PTPN2: variants seen among roughly 807,000 people sequenced by gnomAD.
PTPN2 encodes protein tyrosine phosphatase non-receptor type 2.
A neutral mutation model predicts 57.3 loss-of-function variants in PTPN2; 19 were observed. That is an observed-to-expected ratio of 0.33 (90% CI 0.23 to 0.49). The LOEUF is 0.49. Among genes scored for constraint, PTPN2 ranks in the 20% least tolerant of loss-of-function variants. PTPN2 has a pLI of 0.99. For missense variants in PTPN2, 358 were observed against 501.1 expected (o/e 0.71, Z 2.73); for synonymous variants, 153 against 164.9 (o/e 0.93, Z 0.55).
chr18:12,804,749 C>T (rs2041579005), intron 7 of PTPN2, among the ~76,000 whole-genome samples: 1 of 152,150 alleles, frequency 6.6e-6, no homozygotes, highest in Admixed American at 6.5e-5. Context: ...AAAAGTCTCC[C>T]ATCAAAGAAA....
chr18:12,820,713 C>G (rs988370877), intron 5 of PTPN2, among the ~76,000 whole-genome samples: 4 of 152,214 alleles, frequency 2.6e-5, no homozygotes, highest in Non-Finnish European at 5.9e-5. Context: ...TACACACACG[C>G]GGGTTGCACC....
chr18:12,802,221 T>C (rs776642047), intron 7 of PTPN2, 70 bp from the exon 8 acceptor site: 9 of 1,210,770 alleles, frequency 7.4e-6, no homozygotes, highest in African/African-American at 1.6e-5. Context: ...TAAAAAAATT[T>C]ATGAATTAAA....
At chr18:12,835,380 G>GCCTTTTT (rs2042820392) in intron 3 of PTPN2, among the ~76,000 whole-genome samples, 3 of 20,664 alleles carry the variant, frequency 1.5e-4, no homozygotes, top group African/African-American at 3.5e-4. Flanking sequence ...GATCACATAT[G>GCCTTTTT]TCTTTTTTTT....
chr18:12,879,194 A>G (rs556053231), intron 1 of PTPN2, among the ~76,000 whole-genome samples: 27 of 152,350 alleles, frequency 1.8e-4, no homozygotes, highest in African/African-American at 5.5e-4. Context: ...TCTGTAGTGC[A>G]GTGGCACAAT....
At chr18:12,834,985 G>A (rs2042803033) in intron 3 of PTPN2, among the ~76,000 whole-genome samples, 1 of 152,022 alleles carries the variant, frequency 6.6e-6, no homozygotes, top group East Asian at 1.9e-4. Context: ...CCCACTGGTG[G>A]CCCTGTAGAA....
At chr18:12,875,596 G>C (rs2044461071) in intron 1 of PTPN2, among the ~76,000 whole-genome samples, 1 of 152,164 alleles carries the variant, frequency 6.6e-6, no homozygotes, top group Non-Finnish European at 1.5e-5. Context: ...TACCTTAATG[G>C]GGCATTAAGT....
intron 1 of PTPN2, among the ~76,000 whole-genome samples, chr18:12,864,868 A>G (rs1473039675): frequency 6.6e-6 from 1 of 152,234 alleles, no homozygotes; most frequent in East Asian, 1.9e-4. Flanking sequence ...GGGTTCAAAT[A>G]ATGCTGGGTT....
At chr18:12,795,516 A>T (rs1241848684) in intron 8 of PTPN2, among the ~76,000 whole-genome samples, 1 of 152,096 alleles carries the variant, frequency 6.6e-6, no homozygotes, top group Non-Finnish European at 1.5e-5. Flanking sequence ...GCTGGTCTTG[A>T]ACTCCTGATC....
In PTPN2 at chr18:12,836,779, C is replaced by G; in HGVS notation, c.261+12G>C. ...TCATTTTCAGACATTTGCGTGGTAT[C>G]GTATTACTTGCCTGTGTTAAGATGT... On this transcript the variant is annotated intron_variant, in intron 3 of 8. Transcript: ENST00000309660. 2 of 1,503,096 alleles carry G rather than the reference C, an allele frequency of 1.3e-6. No homozygotes were observed. The highest frequency in any genetic ancestry group is 2.3e-5 in the South Asian group (2 of 87,832). 93.1% of individuals were successfully genotyped at this position (1,503,096 alleles called of 1,614,324 possible). A position where few individuals can be genotyped will look rare whatever the true frequency, so the allele number is the denominator to read the frequency against.
At chr18:12,825,222 A>AT (rs1245272456) in intron 5 of PTPN2, among the ~76,000 whole-genome samples, 1 of 152,038 alleles carries the variant, frequency 6.6e-6, no homozygotes, top group African/African-American at 2.4e-5. Context: ...ATAAAACACC[A>AT]TTTTTTTTCC....
At chr18:12,842,348 C>T (rs538113009) in intron 2 of PTPN2, among the ~76,000 whole-genome samples, 4 of 152,230 alleles carry the variant, frequency 2.6e-5, no homozygotes, top group East Asian at 1.9e-4. Context: ...GCAAACAATG[C>T]GGACCAAATA....
chr18:12,801,592 G>C (rs1305463874), intron 8 of PTPN2, among the ~76,000 whole-genome samples: 11 of 152,104 alleles, frequency 7.2e-5, no homozygotes, highest in Admixed American at 6.5e-4. Context: ...TTATGAGACA[G>C]GGTCTTGCTT....
chr18:12,863,923 T>C (rs1411274763), intron 1 of PTPN2: 1 of 152,248 alleles, frequency 6.6e-6, no homozygotes, highest in East Asian at 1.9e-4. Flanking sequence ...ATCCAAAATG[T>C]AGGCAACTCA....
intron 5 of PTPN2, among the ~76,000 whole-genome samples, chr18:12,818,284 A>C (rs192902890): frequency 2.6e-5 from 4 of 152,244 alleles, no homozygotes. Context: ...GGCATAGGGG[A>C]GCAACTCAAG....
At chr18:12,800,931 T>A (rs1296731826) in intron 8 of PTPN2, among the ~76,000 whole-genome samples, 6 of 152,220 alleles carry the variant, frequency 3.9e-5, no homozygotes, top group Admixed American at 2.6e-4. Context: ...TATGGATTTT[T>A]AAAAAACGCC....
intron 1 of PTPN2, among the ~76,000 whole-genome samples, chr18:12,878,592 C>A (rs952182776): frequency 5.9e-5 from 9 of 151,714 alleles, no homozygotes; most frequent in African/African-American, 2.2e-4. Flanking sequence ...ACTGCTTGAA[C>A]CTGGGGGGAG....
intron 7 of PTPN2, among the ~76,000 whole-genome samples, chr18:12,811,188 G>C (rs978292138): frequency 4.6e-5 from 7 of 152,128 alleles, no homozygotes; most frequent in African/African-American, 1.7e-4. Context: ...ACAAATAGTA[G>C]AGACAGAATT....
chr18:12,870,372 T>TAC lies in PTPN2; in HGVS notation c.70-11120_70-11119dup, dbSNP rs1269444131. ...ATATGTGTATATATATGTGTATATA[T>TAC]ACATATATATACGTATATATGTATA... On this transcript the variant is annotated intron_variant, in intron 1 of 8. Transcript: ENST00000309660. Among the ~76,000 whole-genome samples the TAC allele has an allele frequency of 7.7e-5, 5 of 65,310 alleles. 1 individual carries two copies. Among genetic ancestry groups the TAC allele is most frequent in the African/African-American group, 5.5e-4 (5 of 9,082 alleles). 42.8% of individuals were successfully genotyped at this position (65,310 alleles called of 152,430 possible). A position where few individuals can be genotyped will look rare whatever the true frequency, so the allele number is the denominator to read the frequency against.
At chr18:12,828,745 A>G (rs1467574020) in intron 4 of PTPN2, among the ~76,000 whole-genome samples, 1 of 152,192 alleles carries the variant, frequency 6.6e-6, no homozygotes, top group Non-Finnish European at 1.5e-5. Context: ...AACAATGACC[A>G]GTCCAGTTGC....
Sources: gnomAD v4.1 joint callset for allele counts (sites outside exome capture counted in the v4.1 genomes callset) on GRCh38, gnomAD v4.1.1 for gene constraint, MANE v1.5 for transcripts, NCBI Gene and HGNC (gene_info 2026-07-23, HGNC 2026-07-21) for gene names.